Variants in ASIC1 observed in about 807,000 individuals in gnomAD.
The protein encoded by ASIC1 is acid sensing ion channel subunit 1.
ASIC1 carries 21 observed loss-of-function variants against 63.4 expected under a neutral mutation model. That is an observed-to-expected ratio of 0.33 (90% CI 0.23 to 0.48). ASIC1 has a LOEUF of 0.48. ASIC1 is among the 20% of genes least tolerant of loss of function. The pLI, the probability that ASIC1 is intolerant of heterozygous loss-of-function variation, is 0.99. For synonymous variants in ASIC1, 258 were observed against 278.2 expected, an observed-to-expected ratio of 0.93 and a Z score of 0.72; for missense variants, 478 against 695.5, an observed-to-expected ratio of 0.69 and a Z score of 3.52.
Position 50,059,959 on chromosome 12 carries a change from G to A in ASIC1, c.558+5G>A. On this transcript the variant is annotated splice_donor_5th_base_variant and intron_variant, in intron 3 of 11. Coordinates refer to ENST00000447966, the MANE Select transcript of ASIC1 (RefSeq NM_001095.4). The surrounding 1 kb of genome is among the most constrained non-coding windows in gnomAD (Gnocchi z 4.6). ...AGCGCTGAAGACTTCAAGGTGGTGA[G>A]TCCCCTCGTGTGGGGTGTGAGTCAG... 6.2e-7 allele frequency: 1 copy of A among 1,613,170 alleles called. No individual in the cohort carries two copies. Among genetic ancestry groups the A allele is most frequent in the Non-Finnish European group, 8.5e-7 (1 of 1,179,622 alleles).
chr12:50,080,947 A>G (rs1950708975), intron 9 of ASIC1, among the ~76,000 whole-genome samples, 155 bp from the exon 10 acceptor site: 1 of 152,240 alleles, frequency 6.6e-6, no homozygotes, highest in Non-Finnish European at 1.5e-5. Flanking sequence ...ATAGAGAAGA[A>G]AACAAAAATT....
chr12:50,073,758 G>T (rs947266681), intron 3 of ASIC1: 4 of 1,536,164 alleles, frequency 2.6e-6, no homozygotes, highest in Admixed American at 2.0e-5. Flanking sequence ...CCAGTGAGGG[G>T]CATTCACCCA....
intron 3 of ASIC1, among the ~76,000 whole-genome samples, chr12:50,065,843 C>T (rs1950540423): frequency 6.6e-6 from 1 of 152,206 alleles, no homozygotes; most frequent in South Asian, 2.1e-4. Context: ...TGGTGTCACA[C>T]CAGCATGCCA....
At chr12:50,076,773 T>TA (rs2137841140) in intron 3 of ASIC1, 1 of 353,564 alleles carries the variant, frequency 2.8e-6, no homozygotes, top group Non-Finnish European at 5.6e-6. Context: ...AGGAAATCGT[T>TA]ATCACTTCTA....
rs757544750 is a variant in ASIC1 at position 50,081,063 on chromosome 12, T to C, written c.1298-39T>C. On this transcript the variant is annotated intron_variant, in intron 9 of 11. Transcript: ENST00000447966. ...AGTAAACCCTGCTGCCCCCACGATG[T>C]CCTGACCCCACTGACCCCCCTGGCG... 7 of 1,539,094 alleles carry C rather than the reference T, an allele frequency of 4.5e-6. 1 individual carries two copies. In the South Asian group the frequency reaches 8.4e-5, roughly 18 times the overall value.
At chr12:50,066,916 C>A (rs555203517) in intron 3 of ASIC1, among the ~76,000 whole-genome samples, 8 of 152,128 alleles carry the variant, frequency 5.3e-5, no homozygotes, top group African/African-American at 1.9e-4. Context: ...TCATCTTATT[C>A]CCTCTGCCTT....
At chr12:50,080,434 A>G in intron 8 of ASIC1, 64 bp from the exon 9 acceptor site, 1 of 1,515,980 alleles carries the variant, frequency 6.6e-7, no homozygotes, top group Admixed American at 1.8e-5. Context: ...TGCCAAGGTC[A>G]CCTGGTTAGT....
Position 50,078,125 on chromosome 12 carries a change from C to T in ASIC1, c.835C>T (p.Arg279Trp), listed in dbSNP as rs771415566. ...FQTFVACQEQRLIYLPPPWGT... is the reference protein window; with the variant it reads ...FQTFVACQEQWLIYLPPPWGT... Reference sequence around the variant, plus strand: ...GACCTTTGTGGCCTGCCAGGAGCAGCGGGTGAGAGGGCCATGGGAGGCTGG... The same window carrying T: ...GACCTTTGTGGCCTGCCAGGAGCAGTGGGTGAGAGGGCCATGGGAGGCTGG... The change falls in exon 5 of 12, where the codon CGG becomes TGG. Residue 279 changes from arginine (R) to tryptophan (W), a missense_variant and splice_region_variant. Transcript: ENST00000447966. This position sits in a 1 kb window ranked among gnomAD's most constrained non-coding sequence, Gnocchi z 6.0. The T allele has an allele frequency of 1.2e-6, 2 of 1,612,128 alleles. No homozygotes were observed. The highest frequency in any genetic ancestry group is 1.7e-6 in the Non-Finnish European group (2 of 1,179,066).
rs1330288208 is a variant in ASIC1 at position 50,074,846 on chromosome 12, CA to C, written c.559-2366del. 6.7e-6 allele frequency among the ~76,000 whole-genome samples: 1 copy of C among 150,276 alleles called. No individual in the cohort carries two copies. The highest frequency in any genetic ancestry group is 1.5e-5 in the Non-Finnish European group (1 of 67,798). On this transcript the variant is annotated intron_variant, in intron 3 of 11. Transcript: ENST00000447966. This position sits in a 1 kb window ranked among gnomAD's most constrained non-coding sequence, Gnocchi z 4.2. ...TTCCTGTGCCCTCCTATGGACGCCCCACCCCCACCAGCTCTGTGTGTGTGTG... is the reference window on the plus strand; with the variant it reads ...TTCCTGTGCCCTCCTATGGACGCCCCCCCCCACCAGCTCTGTGTGTGTGTG...
chr12:50,059,658 G>A lies in ASIC1; in HGVS notation c.363-101G>A. The A allele has an allele frequency of 7.2e-6, 9 of 1,246,324 alleles. No individual in the cohort carries two copies. The highest frequency in any genetic ancestry group is 1.0e-5 in the Non-Finnish European group (9 of 890,390). The allele number at this position is 1,246,324 out of a possible 1,614,324, so 77.2% of individuals were successfully genotyped here. ...CAGCTCTCCTTCCTTGCCTACACCT[G>A]GGACTGATCCCCAGGGCTGGAGGCT... On this transcript the variant is annotated intron_variant, in intron 2 of 11. Coordinates refer to ENST00000447966, the MANE Select transcript of ASIC1 (RefSeq NM_001095.4). The surrounding 1 kb of genome is among the most constrained non-coding windows in gnomAD (Gnocchi z 4.6).
At position 50,058,867 on chromosome 12, in the gene ASIC1, TCTC is replaced by T; in HGVS notation, c.104_106del (p.Ser35del). The T allele has an allele frequency of 6.2e-7, 1 of 1,614,028 alleles. No individual in the cohort carries two copies. Among genetic ancestry groups the T allele is most frequent in the Non-Finnish European group, 8.5e-7 (1 of 1,179,984 alleles). On this transcript the variant is annotated inframe_deletion, in exon 2 of 12. Transcript: ENST00000447966. ...ACACTGCACGGCCTGGCCCACATCT[TCTC>T]CTACGAGCGGCTGTCTCTGAAGCGG...
chr12:50,058,433 G>A (rs975999706), intron 1 of ASIC1, among the ~76,000 whole-genome samples: 1 of 152,204 alleles, frequency 6.6e-6, no homozygotes, highest in African/African-American at 2.4e-5. Context: ...CATCTGGAGG[G>A]AACTCCTGCG....
chr12:50,078,161 G>A lies in ASIC1; in HGVS notation c.837+34G>A. On this transcript the variant is annotated intron_variant, in intron 5 of 11. Transcript: ENST00000447966. The surrounding 1 kb of genome is among the most constrained non-coding windows in gnomAD (Gnocchi z 6.0). ...GCCATGGGAGGCTGGTCCTGGGGTG[G>A]GGTATTGAGGGGTCCAGATGGAGTG... 6.3e-7 allele frequency: 1 copy of A among 1,596,574 alleles called. No homozygotes were observed. The highest frequency in any genetic ancestry group is 8.5e-7 in the Non-Finnish European group (1 of 1,172,328).
chr12:50,080,710 C>G, intron 9 of ASIC1, 121 bp downstream of exon 9: 1 of 1,613,688 alleles, frequency 6.2e-7, no homozygotes, highest in East Asian at 2.2e-5. Context: ...AGGCCCTTCC[C>G]CAAACCCTGT....
At chr12:50,072,087 G>C (rs901942740) in intron 3 of ASIC1, among the ~76,000 whole-genome samples, 1 of 152,168 alleles carries the variant, frequency 6.6e-6, no homozygotes, top group African/African-American at 2.4e-5. Context: ...ACTCAGTTCT[G>C]CTAGAACCTG....
rs191427484 is a variant in ASIC1, at chr12:50,064,633, C to A, written c.558+4679C>A. ...TAAGTCTTGGGACTTTGTCACTGCCCAGCTGGTGGAGAACTCCTGGATATG... is the reference window on the plus strand; with the variant it reads ...TAAGTCTTGGGACTTTGTCACTGCCAAGCTGGTGGAGAACTCCTGGATATG... On this transcript the variant is annotated intron_variant, in intron 3 of 11. Transcript: ENST00000447966. Among the ~76,000 whole-genome samples, 19 of 152,240 alleles carry A rather than the reference C, an allele frequency of 1.2e-4. No individual in the cohort carries two copies. In the East Asian group the frequency reaches 3.7e-3, roughly 29 times the overall value.
chr12:50,059,151 C>T lies in ASIC1; in HGVS notation c.362+23C>T, dbSNP rs370579463. The T allele has an allele frequency of 6.2e-7, 1 of 1,607,604 alleles. No individual in the cohort carries two copies. On this transcript the variant is annotated intron_variant, in intron 2 of 11. Coordinates refer to ENST00000447966, the MANE Select transcript of ASIC1 (RefSeq NM_001095.4). This position sits in a 1 kb window ranked among gnomAD's most constrained non-coding sequence, Gnocchi z 4.6. The stretch of plus-strand genomic sequence containing the variant: ...CAGGTGGGTGGCTCCCACCCTCCCT[C>T]AGCCCTGCTCCTGGAGTTGCTTGAG...
At chr12:50,077,168 A>T in intron 3 of ASIC1, 45 bp from the exon 4 acceptor site, 1 of 1,605,978 alleles carries the variant, frequency 6.2e-7, no homozygotes. Flanking sequence ...TGGTGAGTAG[A>T]GGGTGCTGGC....
intron 4 of ASIC1, 130 bp downstream of exon 4, chr12:50,077,493 C>A: frequency 7.6e-7 from 1 of 1,309,254 alleles, no homozygotes; most frequent in Non-Finnish European, 1.0e-6. Flanking sequence ...ATCTCACCAT[C>A]TCTATCACTG....
Sources: allele counts gnomAD v4.1 joint callset (sites outside exome capture counted in the v4.1 genomes callset), GRCh38; gene constraint gnomAD v4.1.1; non-coding constraint Gnocchi (gnomAD v3.1); transcripts MANE v1.5; gene names NCBI Gene and HGNC (gene_info 2026-07-23, HGNC 2026-07-21).